Variants in PCDHGA2 observed in about 807,000 individuals in gnomAD.
PCDHGA2 encodes the protein protocadherin gamma subfamily A, 2.
Under a neutral mutation model 59.2 loss-of-function variants are expected in PCDHGA2, and 40 were observed. That is an observed-to-expected ratio of 0.68 (90% CI 0.52 to 0.88). The LOEUF is 0.88. Ranked by LOEUF, PCDHGA2 falls within the 40% of genes least tolerant of loss-of-function variation. PCDHGA2 has a pLI of 0.00. For missense variants in PCDHGA2, 1,226 were observed against 1,204.0 expected (o/e 1.02, Z -0.27); for synonymous variants, 560 against 526.0 (o/e 1.06, Z -0.89).
intron 1 of PCDHGA2, among the ~76,000 whole-genome samples, chr5:141,472,967 C>G (rs1040253926): frequency 1.7e-5 from 1 of 58,336 alleles, no homozygotes; most frequent in South Asian, 5.1e-4. Flanking sequence ...GCCTGGGGAA[C>G]AAGAGTGAAA....
Position 141,343,949 on chromosome 5 carries a change from G to T in PCDHGA2, c.2424+2554G>T. On this transcript the variant is annotated intron_variant, in intron 1 of 3. Coordinates refer to ENST00000394576, the MANE Select transcript of PCDHGA2 (RefSeq NM_018915.4). ...TGACCTGTGAATTAGGCCCGTAAAAGACTTCGTTTCTTGAGAAAATAAGAT... is the reference window on the plus strand; with the variant it reads ...TGACCTGTGAATTAGGCCCGTAAAATACTTCGTTTCTTGAGAAAATAAGAT... The T allele has an allele frequency of 2.3e-6, 3 of 1,293,370 alleles. No individual in the cohort carries two copies. The South Asian group carries it at 4.9e-5, about 21-fold the overall frequency. 80.1% of individuals were successfully genotyped at this position (1,293,370 alleles called of 1,614,324 possible).
At chr5:141,494,099 C>T (rs976610819) in intron 1 of PCDHGA2, among the ~76,000 whole-genome samples, 3 of 152,172 alleles carry the variant, frequency 2.0e-5, no homozygotes, top group South Asian at 2.1e-4. Context: ...CATTTTTCTC[C>T]GTCTCAGACA....
chr5:141,373,718 CA>C, intron 1 of PCDHGA2, among the ~76,000 whole-genome samples: 1 of 152,310 alleles, frequency 6.6e-6, no homozygotes, highest in East Asian at 1.9e-4. Context: ...TAATCTCTTA[CA>C]CTCTTCTAAA....
At chr5:141,370,708 A>G in intron 1 of PCDHGA2, 6 of 1,613,778 alleles carry the variant, frequency 3.7e-6, no homozygotes, top group Non-Finnish European at 5.1e-6. Context: ...TGTGTTCTGG[A>G]ATTTGAAATG....
At chr5:141,378,315 G>A (rs933879461) in intron 1 of PCDHGA2, 5 of 152,248 alleles carry the variant, frequency 3.3e-5, no homozygotes, top group African/African-American at 1.2e-4. Context: ...ACGAAGTCAG[G>A]AGTTCGAGAC....
At position 141,511,456 on chromosome 5, in the gene PCDHGA2, C is replaced by A. The variant is rs900802210; in HGVS notation, c.*283C>A. ...TACTGTAGACACCAAGAACCATTTG[C>A]CACACCCCGTTTAGTTACAGCTGAA... On this transcript the variant is annotated 3_prime_UTR_variant, in exon 4 of 4. Transcript: ENST00000394576. 3.4e-6 allele frequency: 2 copies of A among 585,210 alleles called. No homozygotes were observed. The highest frequency in any genetic ancestry group is 5.7e-6 in the Non-Finnish European group (2 of 351,786). 36.3% of individuals were successfully genotyped at this position (585,210 alleles called of 1,614,324 possible).
chr5:141,374,945 A>G, intron 1 of PCDHGA2: 1 of 1,614,034 alleles, frequency 6.2e-7, no homozygotes, highest in Non-Finnish European at 8.5e-7. Flanking sequence ...TACAGAAAAG[A>G]TCTCACAAAT....
rs932721053 is a variant in PCDHGA2 at position 141,398,645 on chromosome 5, C to G, written c.2424+57250C>G. 1.3e-5 allele frequency: 21 copies of G among 1,613,938 alleles called. No homozygotes were observed. In the Admixed American group the frequency reaches 3.3e-4, roughly 26 times the overall value. The stretch of plus-strand genomic sequence containing the variant: ...AACTCTCTGCAGAAGTATAAACTCT[C>G]TCTTAACCCAAGTTTCTCATTAATA... On this transcript the variant is annotated intron_variant, in intron 1 of 3. Coordinates refer to ENST00000394576, the MANE Select transcript of PCDHGA2 (RefSeq NM_018915.4).
intron 2 of PCDHGA2, 62 bp downstream of exon 2, chr5:141,494,927 G>C: frequency 6.2e-7 from 1 of 1,613,516 alleles, no homozygotes; most frequent in Non-Finnish European, 8.5e-7. Context: ...GATGACGTGG[G>C]AGGAGATGGG....
chr5:141,377,812 C>T (rs535022477), intron 1 of PCDHGA2: 1 of 152,244 alleles, frequency 6.6e-6, no homozygotes, highest in Admixed American at 6.5e-5. Flanking sequence ...CTGTTATTTA[C>T]TTGGGCCAGT....
rs1285653916 is a variant in PCDHGA2, at chr5:141,388,617, G to A, written c.2424+47222G>A. ...TGATAATGCTCCAGTGTTCAGTCAA[G>A]ACGTATACAGGGTGAGCCTTTCAGA... is the stretch of plus-strand genomic sequence containing the variant. On this transcript the variant is annotated intron_variant, in intron 1 of 3. Coordinates refer to ENST00000394576, the MANE Select transcript of PCDHGA2 (RefSeq NM_018915.4). The A allele has an allele frequency of 3.1e-6, 5 of 1,613,920 alleles. No individual in the cohort carries two copies. The South Asian group carries it at 5.5e-5, about 18-fold the overall frequency.
intron 1 of PCDHGA2, chr5:141,417,885 G>A (rs761442517): frequency 2.6e-6 from 4 of 1,562,806 alleles, no homozygotes; most frequent in Admixed American, 1.9e-5. Flanking sequence ...GCGCAGAGGC[G>A]CCGGGCCGGC....
At chr5:141,362,044 G>A (rs571731822) in intron 1 of PCDHGA2, 12 of 1,610,458 alleles carry the variant, frequency 7.5e-6, no homozygotes, top group Non-Finnish European at 1.0e-5. Flanking sequence ...CGACAGGGAC[G>A]CGGCCCGCCA....
chr5:141,388,922 A>G (rs761599135), intron 1 of PCDHGA2: 1 of 1,614,046 alleles, frequency 6.2e-7, no homozygotes, highest in Non-Finnish European at 8.5e-7. Context: ...CAGAAGTGAT[A>G]TTCCAGTCTC....
intron 1 of PCDHGA2, chr5:141,398,685 G>T: frequency 6.2e-7 from 1 of 1,613,966 alleles, no homozygotes; most frequent in Non-Finnish European, 8.5e-7. Flanking sequence ...AGGAGAAACA[G>T]GATGGTAGTA....
intron 1 of PCDHGA2, chr5:141,371,745 G>A (rs767038146): frequency 2.5e-6 from 4 of 1,613,884 alleles, no homozygotes; most frequent in Middle Eastern, 1.6e-4. Flanking sequence ...CAACGTTCCC[G>A]TTTTCCACCA....
intron 1 of PCDHGA2, chr5:141,403,838 G>C: frequency 6.2e-7 from 1 of 1,613,710 alleles, no homozygotes; most frequent in Non-Finnish European, 8.5e-7. Context: ...CCAGCTTAAT[G>C]AAAATACTGG....
rs1028591155 is a variant in PCDHGA2, at chr5:141,340,188, C to T, written c.1217C>T (p.Thr406Ile). The T allele has an allele frequency of 1.2e-6, 2 of 1,614,110 alleles. No homozygotes were observed. Among genetic ancestry groups the T allele is most frequent in the Admixed American group, 3.3e-5 (2 of 60,034 alleles). Residue 406 changes from threonine (T) to isoleucine (I), a missense_variant, in exon 1 of 4, where the codon ACA becomes ATA. Thr to Ile is a moderately conservative substitution (Grantham distance 89). Transcript: ENST00000394576. ...KSVDNYYRLV[T>I]TRALDREQFS... is the part of the protein sequence containing the mutation. ...GTAGACAATTACTACCGACTGGTTA[C>T]AACCAGAGCCCTTGACAGGGAACAG...
intron 1 of PCDHGA2, chr5:141,433,247 G>A (rs1393219042): frequency 2.8e-6 from 4 of 1,447,840 alleles, no homozygotes; most frequent in Non-Finnish European, 3.8e-6. Context: ...AAGCTGGAAT[G>A]CAGCGGTACG....
Sources: gnomAD v4.1 joint callset for allele counts (sites outside exome capture counted in the v4.1 genomes callset) on GRCh38, gnomAD v4.1.1 for gene constraint, MANE v1.5 for transcripts, NCBI Gene and HGNC (gene_info 2026-07-23, HGNC 2026-07-21) for gene names.